The following RAB27A variants were observed in gnomAD, a reference collection of about 807,000 sequenced individuals.
The protein encoded by RAB27A is ras-related protein Rab-27A.
Under a neutral mutation model 20.8 loss-of-function variants are expected in RAB27A, and 17 were observed. The ratio of observed to expected loss-of-function variants is 0.82; its 90% CI spans 0.56 to 1.23. The LOEUF (loss-of-function observed/expected upper bound fraction) is 1.23. Among genes scored for constraint, RAB27A ranks in the 50% most tolerant of loss-of-function variants. The pLI is 0.00. For missense variants in RAB27A, 277 were observed against 266.7 expected, an observed-to-expected ratio of 1.04 and a Z score of -0.27; for synonymous variants, 85 against 92.8, an observed-to-expected ratio of 0.92 and a Z score of 0.48.
At chr15:55,210,068 G>A (rs535140935) in intron 6 of RAB27A, among the ~76,000 whole-genome samples, 2 of 132,886 alleles carry the variant, frequency 1.5e-5, no homozygotes, top group East Asian at 2.2e-4. Flanking sequence ...ATATGTGTGT[G>A]TACATATACA....
At chr15:55,213,702 T>G (rs1330591933) in intron 6 of RAB27A, among the ~76,000 whole-genome samples, 3 of 152,190 alleles carry the variant, frequency 2.0e-5, no homozygotes, top group Non-Finnish European at 4.4e-5. Context: ...GGGATCTAGG[T>G]TGCACTCTCC....
chr15:55,296,215 C>T (rs1049085050), intron 2 of RAB27A, among the ~76,000 whole-genome samples: 2 of 147,586 alleles, frequency 1.4e-5, no homozygotes, highest in Admixed American at 6.8e-5. Context: ...TGATTCAAAA[C>T]TTGGTGTGGG....
chr15:55,318,859 C>T (rs1323542900), intron 1 of RAB27A: 1 of 170,126 alleles, frequency 5.9e-6, no homozygotes, highest in African/African-American at 2.4e-5. Context: ...GTGAGAGCAA[C>T]GAACCTGAAA....
chr15:55,245,489 A>G (rs1896652238), intron 2 of RAB27A, among the ~76,000 whole-genome samples: 1 of 152,238 alleles, frequency 6.6e-6, no homozygotes, highest in Admixed American at 6.5e-5. Context: ...AATTCAGAAT[A>G]TTAGATAACT....
At chr15:55,248,285 T>C (rs1002520298) in intron 2 of RAB27A, among the ~76,000 whole-genome samples, 11 of 152,174 alleles carry the variant, frequency 7.2e-5, no homozygotes, top group Non-Finnish European at 8.8e-5. Flanking sequence ...CCAACCATCA[T>C]CTGGGTGCCA....
At chr15:55,265,711 A>G (rs934286357) in intron 2 of RAB27A, among the ~76,000 whole-genome samples, 20 of 151,974 alleles carry the variant, frequency 1.3e-4, no homozygotes, top group Non-Finnish European at 2.6e-4. Context: ...CGGGCAGGTA[A>G]GGGTTTGAGG....
intron 2 of RAB27A, among the ~76,000 whole-genome samples, chr15:55,266,760 A>C (rs1595733696): frequency 1.3e-5 from 2 of 152,208 alleles, no homozygotes; most frequent in East Asian, 3.8e-4. Context: ...CACAGCCAGA[A>C]ATGGCAGAAC....
intron 2 of RAB27A, among the ~76,000 whole-genome samples, chr15:55,250,675 C>T (rs1896855625): frequency 6.6e-6 from 1 of 152,140 alleles, no homozygotes; most frequent in African/African-American, 2.4e-5. Context: ...AGAGATTATT[C>T]TTTGGGAAGT....
intron 2 of RAB27A, among the ~76,000 whole-genome samples, chr15:55,261,170 G>A (rs571817670): frequency 4.0e-4 from 61 of 151,526 alleles, no homozygotes; most frequent in Non-Finnish European, 8.3e-4. Flanking sequence ...AGGCCGAGGC[G>A]GGTGGATCAC....
intron 2 of RAB27A, among the ~76,000 whole-genome samples, chr15:55,244,224 A>G (rs1332671517): frequency 6.6e-6 from 1 of 152,172 alleles, no homozygotes; most frequent in East Asian, 1.9e-4. Context: ...TTGAGGCAGG[A>G]GAATCACTTG....
intron 2 of RAB27A, among the ~76,000 whole-genome samples, chr15:55,298,459 AG>A (rs2054958924): frequency 6.6e-6 from 1 of 152,194 alleles, no homozygotes; most frequent in Non-Finnish European, 1.5e-5. Context: ...GTGTGTGAAT[AG>A]GTGTGGGTCA....
intron 2 of RAB27A, among the ~76,000 whole-genome samples, chr15:55,238,903 T>C (rs1337176529): frequency 6.6e-6 from 1 of 151,934 alleles, no homozygotes; most frequent in Non-Finnish European, 1.5e-5. Flanking sequence ...AGTTCATAGT[T>C]GTTCAAAAGA....
intron 6 of RAB27A, among the ~76,000 whole-genome samples, chr15:55,210,055 CACATAT>C (rs1566896735): frequency 5.9e-5 from 8 of 136,172 alleles, no homozygotes; most frequent in African/African-American, 2.3e-4. Flanking sequence ...TACATATATA[CACATAT>C]GTGTGTGTAC....
At chr15:55,243,336 T>C (rs549373168) in intron 2 of RAB27A, among the ~76,000 whole-genome samples, 3 of 152,332 alleles carry the variant, frequency 2.0e-5, no homozygotes, top group Admixed American at 6.5e-5. Flanking sequence ...CCGTTTTCTC[T>C]CAAATAAGTA....
intron 2 of RAB27A, chr15:55,238,572 T>C (rs529135606): frequency 1.3e-5 from 2 of 152,308 alleles, no homozygotes; most frequent in South Asian, 4.1e-4. Flanking sequence ...CCCAGCACAA[T>C]GGTTGGCATA....
chr15:55,278,021 T>G (rs1409240390), intron 1 of RAB27A, among the ~76,000 whole-genome samples: 1 of 152,244 alleles, frequency 6.6e-6, no homozygotes, highest in African/African-American at 2.4e-5. Context: ...TTGACACATA[T>G]GGTAGCTGTA....
intron 2 of RAB27A, among the ~76,000 whole-genome samples, chr15:55,251,566 G>A (rs1896890948): frequency 6.6e-6 from 1 of 152,026 alleles, no homozygotes; most frequent in East Asian, 1.9e-4. Flanking sequence ...TAGTCCTGAT[G>A]GGCTCAAAAA....
At position 55,213,869 on chromosome 15, in the gene RAB27A, A is replaced by T. The variant is rs540461331; in HGVS notation, c.468-8164T>A. Among the ~76,000 whole-genome samples the T allele has an allele frequency of 2.0e-5, 3 of 152,368 alleles. No individual in the cohort carries two copies. In the East Asian group the frequency reaches 5.8e-4, roughly 29 times the overall value. ...ATATATGGCAATGTAATGATAATAG[A>T]AATAAAGTGCACAATAAATGTAATA... On this transcript the variant is annotated intron_variant, in intron 6 of 6. Coordinates refer to ENST00000336787, the MANE Select transcript of RAB27A (RefSeq NM_183235.3).
intron 2 of RAB27A, among the ~76,000 whole-genome samples, chr15:55,300,680 CA>C (rs35743897): frequency 0.47 from 68,506 of 147,180 alleles, 19,083 homozygotes; most frequent in African/African-American, 0.78. Flanking sequence ...ACTCTGTCTC[CA>C]AAAAAAAAAA....
Sources: gnomAD v4.1 joint callset for allele counts (sites outside exome capture counted in the v4.1 genomes callset) on GRCh38, gnomAD v4.1.1 for gene constraint, MANE v1.5 for transcripts, NCBI Gene and HGNC (gene_info 2026-07-23, HGNC 2026-07-21) for gene names.